Variants in DAB1 observed in about 807,000 individuals in gnomAD.
DAB1 encodes the protein disabled homolog 1.
A neutral mutation model predicts 64.6 loss-of-function variants in DAB1; 15 were observed. The observed-to-expected ratio is 0.23, with a 90% CI of 0.16 to 0.36. The LOEUF is 0.36. DAB1 is among the 10% of genes least tolerant of loss of function. DAB1 has a pLI of 1.00. For synonymous variants in DAB1, 235 were observed against 251.9 expected (o/e 0.93, Z 0.64); for missense variants, 596 against 706.7 (o/e 0.84, Z 1.78).
intron 4 of DAB1, among the ~76,000 whole-genome samples, chr1:58,216,047 A>G (rs1658831510): frequency 6.6e-6 from 1 of 152,132 alleles, no homozygotes; most frequent in Admixed American, 6.5e-5. Flanking sequence ...TATTTTTATT[A>G]TACTTTAAGT....
chr1:58,334,726 CTG>C (rs5774409), intron 4 of DAB1, among the ~76,000 whole-genome samples: 20,680 of 150,644 alleles, frequency 0.14, 1,563 homozygotes, highest in South Asian at 0.28. Context: ...TCACAAAACT[CTG>C]TGAATTCATA....
chr1:58,463,558 G>A (rs188142197), intron 3 of DAB1, among the ~76,000 whole-genome samples: 13 of 152,294 alleles, frequency 8.5e-5, no homozygotes, highest in African/African-American at 3.1e-4. Flanking sequence ...ACATCCTAAG[G>A]GGTATGAGCA....
intron 3 of DAB1, among the ~76,000 whole-genome samples, chr1:58,441,859 C>G (rs1312992614): frequency 6.6e-6 from 1 of 152,160 alleles, no homozygotes; most frequent in Non-Finnish European, 1.5e-5. Flanking sequence ...GAGTCGGTAA[C>G]AGATGGTTGG....
chr1:58,352,365 T>A (rs1200202763), intron 3 of DAB1, among the ~76,000 whole-genome samples: 1 of 152,160 alleles, frequency 6.6e-6, no homozygotes, highest in African/African-American at 2.4e-5. Context: ...GTAATAATAA[T>A]AAATGTATAT....
intron 5 of DAB1, among the ~76,000 whole-genome samples, chr1:58,010,896 G>A (rs1324230847): frequency 6.6e-6 from 1 of 152,230 alleles, no homozygotes; most frequent in Non-Finnish European, 1.5e-5. Flanking sequence ...ACTGATTGAT[G>A]CTGACATGGG....
At chr1:57,748,447 T>C (rs1232617002) in intron 6 of DAB1, among the ~76,000 whole-genome samples, 1 of 152,070 alleles carries the variant, frequency 6.6e-6, no homozygotes, top group East Asian at 1.9e-4. Context: ...TGTTTGTGCA[T>C]GTTAAATAAA....
At chr1:57,083,282 T>C (rs544050246) in intron 4 of DAB1, among the ~76,000 whole-genome samples, 1 of 152,338 alleles carries the variant, frequency 6.6e-6, no homozygotes, top group Admixed American at 6.5e-5. Context: ...CTCCAGACTC[T>C]AGGCAGCCTC....
In DAB1 at chr1:57,011,259, G is replaced by A; in HGVS notation, c.1458C>T (p.Ala486=). The change falls in exon 13 of 15, where the codon GCC becomes GCT. Residue 486 remains alanine, a synonymous_variant. Coordinates refer to ENST00000371236, the MANE Select transcript of DAB1 (RefSeq NM_001365792.1). The part of the protein sequence containing the change: ...TPSTNSPPTP[A]PRQSSPSKSS... Reference sequence around the variant, plus strand: ...ATTTGGATGGAGAGCTCTGTCTAGGGGCTGGGGTTGGAGCTACACAGAGAC... The same window carrying A: ...ATTTGGATGGAGAGCTCTGTCTAGGAGCTGGGGTTGGAGCTACACAGAGAC... 1 of 1,613,940 alleles carries A rather than the reference G, an allele frequency of 6.2e-7. No individual in the cohort carries two copies.
At position 58,329,937 on chromosome 1, in the gene DAB1, AACCTT is replaced by A. The variant is rs527841663; in HGVS notation, n.309+13410_309+13414del. Among the ~76,000 whole-genome samples, 6 of 152,292 alleles carry A rather than the reference AACCTT, an allele frequency of 3.9e-5. No homozygotes were observed. In the East Asian group the frequency reaches 1.2e-3, roughly 29 times the overall value. Reference sequence around the variant, plus strand: ...TAATATTGAAATTAGGCCAATTAATAACCTTACAATGGCCTATAAATATTCAAGTG... The same window carrying A: ...TAATATTGAAATTAGGCCAATTAATAACAATGGCCTATAAATATTCAAGTG... On this transcript the variant is annotated intron_variant and non_coding_transcript_variant, in intron 4 of 20. Transcript: ENST00000485760.
At position 58,070,213 on chromosome 1, in the gene DAB1, T is replaced by C. The variant is rs556871103; in HGVS notation, n.387+80298A>G. 7.2e-5 allele frequency among the ~76,000 whole-genome samples: 11 copies of C among 152,246 alleles called. No homozygotes were observed. In the South Asian group the frequency reaches 1.7e-3, roughly 23 times the overall value. ...TAGGCAAAAGAAAGACAGCTAAAAA[T>C]GCTTCAGTTTCAGTTTACAGAAGAG... On this transcript the variant is annotated intron_variant and non_coding_transcript_variant, in intron 5 of 20. Coordinates refer to the DAB1 transcript ENST00000485760.
chr1:57,536,273 C>A (rs1443094879), intron 7 of DAB1, among the ~76,000 whole-genome samples: 1 of 152,206 alleles, frequency 6.6e-6, no homozygotes, highest in Non-Finnish European at 1.5e-5. Context: ...AATCCCTCAA[C>A]TGATCCATGA....
chr1:57,290,816 T>C, intron 2 of DAB1, 148 bp downstream of exon 2: 1 of 522,352 alleles, frequency 1.9e-6, no homozygotes, highest in Non-Finnish European at 3.3e-6. Flanking sequence ...AACCATTACA[T>C]TATTATATTA....
intron 5 of DAB1, among the ~76,000 whole-genome samples, chr1:57,976,580 C>T (rs1348360979): frequency 6.6e-6 from 1 of 151,988 alleles, no homozygotes; most frequent in Non-Finnish European, 1.5e-5. Flanking sequence ...AAGTTATGAG[C>T]AAAATAATTT....
chr1:57,927,876 A>T (rs1479739258), intron 5 of DAB1, among the ~76,000 whole-genome samples: 1 of 152,090 alleles, frequency 6.6e-6, no homozygotes, highest in African/African-American at 2.4e-5. Flanking sequence ...ACACCCACAC[A>T]CTCACTACTA....
intron 1 of DAB1, among the ~76,000 whole-genome samples, chr1:57,304,689 C>G (rs1244465170): frequency 6.6e-6 from 1 of 152,162 alleles, no homozygotes; most frequent in African/African-American, 2.4e-5. Flanking sequence ...ATATTGTTTG[C>G]CTTCCCTTCC....
At position 57,509,012 on chromosome 1, in the gene DAB1, C is replaced by A. The variant is rs182212902; in HGVS notation, n.625+140580G>T. 4.2e-4 allele frequency among the ~76,000 whole-genome samples: 63 copies of A among 151,022 alleles called. No individual in the cohort carries two copies. The East Asian group carries it at 0.012, about 28-fold the overall frequency. On this transcript the variant is annotated intron_variant and non_coding_transcript_variant, in intron 7 of 20. Transcript: ENST00000485760. Reference sequence around the variant, plus strand: ...ATATATAAAATACATTTATATATGCCTATACATATATAAAATATATTTGTA... The same window carrying A: ...ATATATAAAATACATTTATATATGCATATACATATATAAAATATATTTGTA...
At chr1:58,246,002 A>G (rs542320637) in intron 4 of DAB1, among the ~76,000 whole-genome samples, 62 of 152,302 alleles carry the variant, frequency 4.1e-4, no homozygotes, top group Admixed American at 3.3e-3. Context: ...AGCAATGCCA[A>G]TGTTTAGTAA....
intron 4 of DAB1, among the ~76,000 whole-genome samples, chr1:58,165,741 GGATCAGTGAA>G (rs2100756756): frequency 6.6e-6 from 1 of 152,262 alleles, no homozygotes; most frequent in African/African-American, 2.4e-5. Flanking sequence ...GAGGTTTTGG[GGATCAGTGAA>G]GAATAAGAGG....
At chr1:57,408,422 C>T (rs984790735) in intron 1 of DAB1, among the ~76,000 whole-genome samples, 17 of 152,110 alleles carry the variant, frequency 1.1e-4, no homozygotes, top group Non-Finnish European at 7.4e-5. Flanking sequence ...TTCCTACTCA[C>T]GGGGATCAAT....
Sources: gnomAD v4.1 joint callset for allele counts (sites outside exome capture counted in the v4.1 genomes callset) on GRCh38, gnomAD v4.1.1 for gene constraint, MANE v1.5 for transcripts, NCBI Gene and HGNC (gene_info 2026-07-23, HGNC 2026-07-21) for gene names.